Variants in PTPRZ1 observed in about 807,000 individuals in gnomAD.
PTPRZ1 encodes protein tyrosine phosphatase receptor type Z1.
In PTPRZ1, 82 loss-of-function variants were observed where a neutral mutation model predicts 214.1. The ratio of observed to expected loss-of-function variants is 0.38; its 90% CI spans 0.32 to 0.46. PTPRZ1 has a LOEUF of 0.46. Among genes scored for constraint, PTPRZ1 ranks in the 20% least tolerant of loss-of-function variants. The pLI is 1.00. For missense variants in PTPRZ1, 2,603 were observed against 2,748.7 expected (o/e 0.95, Z 1.19); for synonymous variants, 945 against 987.9 (o/e 0.96, Z 0.81).
intron 1 of PTPRZ1, among the ~76,000 whole-genome samples, chr7:121,913,980 C>G (rs959645399): frequency 6.6e-6 from 1 of 152,074 alleles, no homozygotes; most frequent in African/African-American, 2.4e-5. Flanking sequence ...AATTGCATAC[C>G]TTATCCTTTT....
intron 1 of PTPRZ1, among the ~76,000 whole-genome samples, chr7:121,920,123 G>A (rs779878524): frequency 7.2e-5 from 11 of 151,882 alleles, no homozygotes; most frequent in South Asian, 4.2e-4. Context: ...TGCTTTTCAC[G>A]GTAAATGTGA....
chr7:122,054,123 C>CATTCAGTTCTTATCTAT, intron 26 of PTPRZ1, 85 bp downstream of exon 26: 31 of 1,461,066 alleles, frequency 2.1e-5, no homozygotes, highest in Non-Finnish European at 2.8e-5. Context: ...TACAAACAAG[C>CATTCAGTTCTTATCTAT]AAAGTAATTT....
In PTPRZ1 at chr7:121,941,853, A is replaced by G. The variant is rs1348341469; in HGVS notation, c.124+13632A>G. Among the ~76,000 whole-genome samples, 3 of 152,348 alleles carry G rather than the reference A, an allele frequency of 2.0e-5. No homozygotes were observed. In the East Asian group the frequency reaches 5.8e-4, roughly 29 times the overall value. ...CTATGTCCTTAAGGAGTGATAATAAATAGTAATTAGTGTGAAAATATATTC... is the reference window on the plus strand; with the variant it reads ...CTATGTCCTTAAGGAGTGATAATAAGTAGTAATTAGTGTGAAAATATATTC... On this transcript the variant is annotated intron_variant, in intron 2 of 29. Coordinates refer to ENST00000393386, the MANE Select transcript of PTPRZ1 (RefSeq NM_002851.3).
rs140387515 is a variant in PTPRZ1, at chr7:121,942,949, A to G, written c.124+14728A>G. Among the ~76,000 whole-genome samples the G allele has an allele frequency of 5.3e-5, 8 of 152,342 alleles. No homozygotes were observed. In the East Asian group the frequency reaches 1.5e-3, roughly 29 times the overall value. ...ATGCAAGTTTTTTAACCATATTTGGACTATATTAGAATAGATTACAAAATG... is the reference window on the plus strand; with the variant it reads ...ATGCAAGTTTTTTAACCATATTTGGGCTATATTAGAATAGATTACAAAATG... On this transcript the variant is annotated intron_variant, in intron 2 of 29. Transcript: ENST00000393386.
chr7:121,978,341 C>G (rs1382670390), intron 6 of PTPRZ1, among the ~76,000 whole-genome samples: 2 of 152,096 alleles, frequency 1.3e-5, no homozygotes, highest in African/African-American at 4.8e-5. Context: ...TTGTATTAGT[C>G]CATTTTCACA....
At chr7:122,038,038 T>A (rs1304674967) in intron 18 of PTPRZ1, among the ~76,000 whole-genome samples, 1 of 152,142 alleles carries the variant, frequency 6.6e-6, no homozygotes, top group Non-Finnish European at 1.5e-5. Context: ...GGAGAGAGAA[T>A]GAGTGCCCAG....
chr7:121,934,356 A>G (rs1796009953), intron 2 of PTPRZ1, among the ~76,000 whole-genome samples: 1 of 151,988 alleles, frequency 6.6e-6, no homozygotes, highest in South Asian at 2.1e-4. Context: ...GACAGTGCTC[A>G]GTGCAGGTTT....
At chr7:121,887,310 A>G (rs532448774) in intron 1 of PTPRZ1, among the ~76,000 whole-genome samples, 3 of 152,220 alleles carry the variant, frequency 2.0e-5, no homozygotes, top group African/African-American at 4.8e-5. Context: ...AGAAAATACA[A>G]TCATTTCTGC....
chr7:121,939,737 C>T (rs760188502), intron 2 of PTPRZ1, among the ~76,000 whole-genome samples: 3 of 152,138 alleles, frequency 2.0e-5, no homozygotes, highest in Non-Finnish European at 4.4e-5. Context: ...GTAAGCCAGA[C>T]ACTGTACTAG....
Position 122,019,179 on chromosome 7 carries a change from C to G in PTPRZ1, c.4899C>G (p.Ser1633=). 6.2e-7 allele frequency: 1 copy of G among 1,611,944 alleles called. No homozygotes were observed. The highest frequency in any genetic ancestry group is 8.5e-7 in the Non-Finnish European group (1 of 1,178,184). The change falls in exon 13 of 30, where the codon TCC becomes TCG. Residue 1633 remains serine (S), a synonymous_variant. Transcript: ENST00000393386. ...SRIGLAEGLE[S]EKKAVIPLVI... The stretch of plus-strand genomic sequence containing the variant: ...TTGGTCTAGCTGAGGGGTTGGAATC[C>G]GAGAAGAAGGCAGTTATACCCCTTG...
chr7:121,873,448 C>T lies in PTPRZ1; in HGVS notation c.-52C>T. On this transcript the variant is annotated 5_prime_UTR_variant, in exon 1 of 30. Coordinates refer to ENST00000393386, the MANE Select transcript of PTPRZ1 (RefSeq NM_002851.3). ...ATTTCCTTCGCTCCCCCTCCCTCTC[C>T]ACTCTGAGAAGCAGAGGAGCCGCAC... The T allele has an allele frequency of 2.5e-6, 4 of 1,587,042 alleles. No individual in the cohort carries two copies. The highest frequency in any genetic ancestry group is 2.2e-5 in the East Asian group (1 of 44,684).
chr7:122,034,482 T>C lies in PTPRZ1; in HGVS notation c.5284+104T>C, dbSNP rs896244336. On this transcript the variant is annotated intron_variant, in intron 17 of 29. Transcript: ENST00000393386. ...TGAGAGCTGACCTTAGTGTGGCTGTTTGGGGCCTTTTTATCAGGGAATAAT... is the reference window on the plus strand; with the variant it reads ...TGAGAGCTGACCTTAGTGTGGCTGTCTGGGGCCTTTTTATCAGGGAATAAT... 6.5e-6 allele frequency: 6 copies of C among 920,006 alleles called. No individual in the cohort carries two copies. The African/African-American group carries it at 8.4e-5, about 13-fold the overall frequency. 57.0% of individuals were successfully genotyped at this position (920,006 alleles called of 1,614,324 possible).
intron 2 of PTPRZ1, among the ~76,000 whole-genome samples, chr7:121,957,463 T>C (rs1408429981): frequency 6.6e-6 from 1 of 152,162 alleles, no homozygotes; most frequent in African/African-American, 2.4e-5. Flanking sequence ...GGTGCTTCTA[T>C]GGTCTCCCAC....
At chr7:121,971,328 A>G (rs1211280959) in intron 3 of PTPRZ1, among the ~76,000 whole-genome samples, 1 of 152,230 alleles carries the variant, frequency 6.6e-6, no homozygotes, top group Non-Finnish European at 1.5e-5. Flanking sequence ...TATTTCAAGG[A>G]TAGCCTGATG....
At chr7:121,986,537 C>T (rs892357609) in intron 8 of PTPRZ1, among the ~76,000 whole-genome samples, 11 of 152,234 alleles carry the variant, frequency 7.2e-5, no homozygotes, top group Admixed American at 2.0e-4. Flanking sequence ...TCTAGAAATA[C>T]ATGATAGGAC....
At chr7:121,969,818 A>G (rs1262972059) in intron 3 of PTPRZ1, among the ~76,000 whole-genome samples, 1 of 151,578 alleles carries the variant, frequency 6.6e-6, no homozygotes, top group Non-Finnish European at 1.5e-5. Context: ...TATTTTTATT[A>G]TACTTTAAGT....
chr7:121,986,021 A>G (rs937570522), intron 8 of PTPRZ1, among the ~76,000 whole-genome samples: 1 of 152,248 alleles, frequency 6.6e-6, no homozygotes, highest in Non-Finnish European at 1.5e-5. Flanking sequence ...GTTATACTTA[A>G]TGGGTGCTTC....
chr7:121,926,088 A>G (rs960616380), intron 1 of PTPRZ1, among the ~76,000 whole-genome samples: 2 of 152,188 alleles, frequency 1.3e-5, no homozygotes, highest in Non-Finnish European at 2.9e-5. Flanking sequence ...GCGGATCACG[A>G]GGTCTGGAGT....
At chr7:122,043,244 C>A (rs1799785262) in intron 22 of PTPRZ1, among the ~76,000 whole-genome samples, 1 of 152,062 alleles carries the variant, frequency 6.6e-6, no homozygotes. Context: ...CATGAATGAG[C>A]CAGATAAATT....
Sources: allele counts gnomAD v4.1 joint callset (sites outside exome capture counted in the v4.1 genomes callset), GRCh38; gene constraint gnomAD v4.1.1; transcripts MANE v1.5; gene names NCBI Gene and HGNC (gene_info 2026-07-23, HGNC 2026-07-21).